The following TRDN variants were observed in gnomAD, a reference collection of about 807,000 sequenced individuals.
TRDN encodes the protein triadin, also known as triadin in skeletal muscle.
Under a neutral mutation model 149.7 loss-of-function variants are expected in TRDN, and 161 were observed. That is an observed-to-expected ratio of 1.08 (90% CI 0.95 to 1.23). The LOEUF is 1.23. Among genes scored for constraint, TRDN ranks in the 50% most tolerant of loss-of-function variants. The pLI, the probability that TRDN is intolerant of heterozygous loss-of-function variation, is 0.00. For missense variants in TRDN, 896 were observed against 823.5 expected (o/e 1.09, Z -1.08); for synonymous variants, 294 against 250.5 (o/e 1.17, Z -1.64).
At chr6:123,398,933 A>C (rs2114478084) in intron 12 of TRDN, among the ~76,000 whole-genome samples, 1 of 152,298 alleles carries the variant, frequency 6.6e-6, no homozygotes, top group African/African-American at 2.4e-5. Flanking sequence ...AGTTAACATA[A>C]TTTTGCTAGA....
intron 2 of TRDN, among the ~76,000 whole-genome samples, chr6:123,561,533 G>C (rs1355531002): frequency 6.6e-6 from 1 of 151,654 alleles, no homozygotes; most frequent in Non-Finnish European, 1.5e-5. Flanking sequence ...AACTTGGATA[G>C]AGCCTAAAAG....
In TRDN at chr6:123,279,060, A is replaced by G. The variant is rs1216108172; in HGVS notation, c.1533T>C (p.Pro511=). The G allele has an allele frequency of 6.2e-7, 1 of 1,608,828 alleles. No individual in the cohort carries two copies. The highest frequency in any genetic ancestry group is 1.3e-5 in the African/African-American group (1 of 74,780). Residue 511 remains proline (P), a synonymous_variant, in exon 25 of 41, where the codon CCT becomes CCC. Transcript: ENST00000334268. The part of the protein sequence containing the change: ...SKAGKEVKPK[P]PQLQGKKEEK... ...TTGAGCATGCATATAACATACGTGGAGGTTTAGGCTTGACTTCTTTGCCTA... is the reference window on the plus strand; with the variant it reads ...TTGAGCATGCATATAACATACGTGGGGGTTTAGGCTTGACTTCTTTGCCTA...
chr6:123,231,499 T>C (rs1775599772), intron 38 of TRDN, among the ~76,000 whole-genome samples: 1 of 151,968 alleles, frequency 6.6e-6, no homozygotes, highest in South Asian at 2.1e-4. Flanking sequence ...ATATAGAATG[T>C]TCAATTGGGC....
chr6:123,327,877 A>T (rs1305979628), intron 23 of TRDN, among the ~76,000 whole-genome samples: 4 of 152,234 alleles, frequency 2.6e-5, no homozygotes, highest in Admixed American at 2.6e-4. Context: ...TGTGTTTTAT[A>T]TTTAATATTT....
At chr6:123,260,210 C>T (rs1305907079) in intron 34 of TRDN, among the ~76,000 whole-genome samples, 1 of 151,860 alleles carries the variant, frequency 6.6e-6, no homozygotes, top group Non-Finnish European at 1.5e-5. Context: ...ACATTTTTAC[C>T]TTTAGGAAAT....
At chr6:123,298,685 T>A (rs981927540) in intron 24 of TRDN, among the ~76,000 whole-genome samples, 1 of 152,064 alleles carries the variant, frequency 6.6e-6, no homozygotes, top group African/African-American at 2.4e-5. Context: ...GGGGAATTTA[T>A]TTATTGAGAA....
rs116152709 is a variant in TRDN, at chr6:123,282,864, T to A, written c.1511-3782A>T. On this transcript the variant is annotated intron_variant, in intron 24 of 40. Coordinates refer to ENST00000334268, the MANE Select transcript of TRDN (RefSeq NM_006073.4). The stretch of plus-strand genomic sequence containing the variant: ...TAAGTGTAATATTATTTGGGGCATA[T>A]AACACATATAAAGATCTTCACTGGA... 5.8e-3 allele frequency among the ~76,000 whole-genome samples: 878 copies of A among 151,972 alleles called. 9 individuals carry two copies. The highest frequency in any genetic ancestry group is 0.021 in the African/African-American group (852 of 41,532).
intron 10 of TRDN, 183 bp downstream of exon 10, chr6:123,464,723 A>G (rs1340758696): frequency 1.4e-6 from 2 of 1,389,466 alleles, no homozygotes; most frequent in South Asian, 1.7e-5. Context: ...TCTTAAGGGG[A>G]CATTTTTGGT....
chr6:123,336,838 T>G (rs1189162943), intron 22 of TRDN, among the ~76,000 whole-genome samples: 2 of 151,050 alleles, frequency 1.3e-5, no homozygotes, highest in African/African-American at 4.8e-5. Flanking sequence ...ATATAATAAA[T>G]TATATGTTAT....
intron 33 of TRDN, 92 bp downstream of exon 33, chr6:123,265,226 C>T: frequency 4.1e-6 from 4 of 969,912 alleles, no homozygotes; most frequent in Non-Finnish European, 5.9e-6. Flanking sequence ...ACAAACAGAC[C>T]ATACTATTTA....
chr6:123,355,610 A>G (rs1372338556), intron 20 of TRDN, among the ~76,000 whole-genome samples: 4 of 151,642 alleles, frequency 2.6e-5, no homozygotes, highest in Admixed American at 2.0e-4. Context: ...TTGCTTTTTC[A>G]TATGAAAATC....
At chr6:123,383,820 T>G (rs1269967253) in intron 14 of TRDN, among the ~76,000 whole-genome samples, 4 of 152,136 alleles carry the variant, frequency 2.6e-5, no homozygotes, top group Non-Finnish European at 5.9e-5. Context: ...CTTTCTGAAT[T>G]TCAAATTTTT....
chr6:123,222,959 C>G (rs1775206825), intron 39 of TRDN, among the ~76,000 whole-genome samples: 3 of 151,756 alleles, frequency 2.0e-5, no homozygotes, highest in Admixed American at 2.0e-4. Context: ...ACATCTCACA[C>G]CAGTAAGCAT....
chr6:123,606,992 T>C (rs1384992675), intron 1 of TRDN, among the ~76,000 whole-genome samples: 3 of 152,314 alleles, frequency 2.0e-5, no homozygotes, highest in East Asian at 1.9e-4. Flanking sequence ...CACACATTGA[T>C]AAGCCTGAGT....
chr6:123,631,610 C>G (rs116130213), intron 1 of TRDN, among the ~76,000 whole-genome samples: 1 of 151,910 alleles, frequency 6.6e-6, no homozygotes, highest in African/African-American at 2.4e-5. Flanking sequence ...TTTGCACTTA[C>G]GAATAAATTT....
intron 23 of TRDN, among the ~76,000 whole-genome samples, chr6:123,316,720 T>C (rs1779038527): frequency 6.6e-6 from 1 of 151,750 alleles, no homozygotes; most frequent in South Asian, 2.1e-4. Context: ...TAAAATCCAG[T>C]TTGCAAAAAA....
At chr6:123,604,843 G>A (rs1308541758) in intron 1 of TRDN, among the ~76,000 whole-genome samples, 1 of 151,990 alleles carries the variant, frequency 6.6e-6, no homozygotes, top group Non-Finnish European at 1.5e-5. Flanking sequence ...AGACAGTGGT[G>A]TCATTCACCA....
intron 24 of TRDN, among the ~76,000 whole-genome samples, chr6:123,309,567 A>C (rs190596885): frequency 6.6e-6 from 1 of 152,016 alleles, no homozygotes; most frequent in African/African-American, 2.4e-5. Context: ...GTATAAAGCC[A>C]ACACTGGTTC....
At chr6:123,581,734 A>C (rs1783131052) in intron 1 of TRDN, among the ~76,000 whole-genome samples, 1 of 152,244 alleles carries the variant, frequency 6.6e-6, no homozygotes, top group Non-Finnish European at 1.5e-5. Context: ...GGTCCAAAGA[A>C]GGCTACAACA....
Sources: allele counts gnomAD v4.1 joint callset (sites outside exome capture counted in the v4.1 genomes callset), GRCh38; gene constraint gnomAD v4.1.1; transcripts MANE v1.5; gene names NCBI Gene and HGNC (gene_info 2026-07-23, HGNC 2026-07-21).